The following EIF4E variants were observed in gnomAD, a reference collection of about 807,000 sequenced individuals.
EIF4E encodes eukaryotic translation initiation factor 4E, also known as eIF-4F 25 kDa subunit.
For missense variants in EIF4E, 113 were observed against 265.6 expected, an observed-to-expected ratio of 0.43 and a Z score of 3.99; for synonymous variants, 71 against 88.5, an observed-to-expected ratio of 0.80 and a Z score of 1.11.
At chr4:98,907,265 T>C (rs1399646954) in intron 1 of EIF4E, among the ~76,000 whole-genome samples, 2 of 152,190 alleles carry the variant, frequency 1.3e-5, no homozygotes, top group Admixed American at 1.3e-4. Context: ...TAAATTGAAG[T>C]AAGGAAACCT....
chr4:98,921,640 TACACCAAGAA>T (rs1260009785), intron 1 of EIF4E, among the ~76,000 whole-genome samples: 1 of 152,196 alleles, frequency 6.6e-6, no homozygotes, highest in Non-Finnish European at 1.5e-5. Context: ...AAGCTTAAAA[TACACCAAGAA>T]ACACGTATGT....
At chr4:98,881,905 C>A (rs1055191732) in intron 6 of EIF4E, among the ~76,000 whole-genome samples, 5 of 152,194 alleles carry the variant, frequency 3.3e-5, no homozygotes, top group African/African-American at 1.2e-4. Context: ...CTAATCTCAT[C>A]TACAACATTA....
intron 1 of EIF4E, chr4:98,928,893 A>T: frequency 6.4e-7 from 1 of 1,552,324 alleles, no homozygotes; most frequent in Non-Finnish European, 8.7e-7. Flanking sequence ...TCGGGCCCCC[A>T]CCAGAAAGTG....
chr4:98,915,616 C>T (rs1320123128), intron 1 of EIF4E, among the ~76,000 whole-genome samples: 1 of 151,306 alleles, frequency 6.6e-6, no homozygotes, highest in Non-Finnish European at 1.5e-5. Context: ...TCTTGGCTCA[C>T]TGCAACCTCC....
At chr4:98,893,618 A>G (rs1724246464) in intron 2 of EIF4E, among the ~76,000 whole-genome samples, 1 of 152,200 alleles carries the variant, frequency 6.6e-6, no homozygotes, top group African/African-American at 2.4e-5. Context: ...TGAGACTGCA[A>G]CAATTCAGTA....
At chr4:98,882,510 C>T (rs1723741640) in intron 6 of EIF4E, among the ~76,000 whole-genome samples, 1 of 151,294 alleles carries the variant, frequency 6.6e-6, no homozygotes, top group East Asian at 1.9e-4. Flanking sequence ...GAGTTAAATC[C>T]TCCAACATGA....
chr4:98,902,326 T>C (rs1206766085), intron 1 of EIF4E, among the ~76,000 whole-genome samples: 2 of 152,218 alleles, frequency 1.3e-5, no homozygotes, highest in Admixed American at 1.3e-4. Context: ...TGCCTTGGCC[T>C]CCCAAAGTGC....
chr4:98,904,750 G>A (rs1056214158), intron 1 of EIF4E, among the ~76,000 whole-genome samples: 1 of 152,086 alleles, frequency 6.6e-6, no homozygotes, highest in Non-Finnish European at 1.5e-5. Context: ...CAGCCTGGGC[G>A]ACAAGAGCAA....
chr4:98,910,195 T>C (rs985409779), intron 1 of EIF4E, among the ~76,000 whole-genome samples: 1 of 152,142 alleles, frequency 6.6e-6, no homozygotes, highest in Non-Finnish European at 1.5e-5. Flanking sequence ...TTATCTGTAA[T>C]AAAGGATCAA....
intron 2 of EIF4E, among the ~76,000 whole-genome samples, chr4:98,894,048 G>A: frequency 6.6e-6 from 1 of 152,242 alleles, no homozygotes; most frequent in East Asian, 1.9e-4. Flanking sequence ...TCATCAAGGA[G>A]CAGTGATATT....
chr4:98,886,865 A>T, intron 5 of EIF4E: 1 of 518,202 alleles, frequency 1.9e-6, no homozygotes, highest in Non-Finnish European at 3.5e-6. Context: ...GTCAACTGCC[A>T]ATCACTTAAA....
chr4:98,896,313 A>G (rs1370011881), intron 2 of EIF4E, among the ~76,000 whole-genome samples: 1 of 151,892 alleles, frequency 6.6e-6, no homozygotes, highest in East Asian at 1.9e-4. Flanking sequence ...TCGAGGTTGC[A>G]GTGAGCTATG....
chr4:98,912,437 G>A lies in EIF4E; in HGVS notation c.19-10455C>T, dbSNP rs536728465. ...TAAAAAATACAAAAATTAGCTGGGC[G>A]TGGTGGTGCATGCCTGTAATCCCAG... On this transcript the variant is annotated intron_variant, in intron 1 of 6. Coordinates refer to ENST00000450253, the MANE Select transcript of EIF4E (RefSeq NM_001968.5). Among the ~76,000 whole-genome samples the A allele has an allele frequency of 5.3e-5, 8 of 151,120 alleles. No individual in the cohort carries two copies. The East Asian group carries it at 5.9e-4, about 11-fold the overall frequency.
intron 1 of EIF4E, among the ~76,000 whole-genome samples, chr4:98,925,254 T>C (rs1725819760): frequency 6.6e-6 from 1 of 152,198 alleles, no homozygotes; most frequent in African/African-American, 2.4e-5. Flanking sequence ...AGTAAAATTA[T>C]ACACTTTCAG....
chr4:98,924,889 T>C (rs1725806619), intron 1 of EIF4E, among the ~76,000 whole-genome samples: 1 of 152,124 alleles, frequency 6.6e-6, no homozygotes, highest in Non-Finnish European at 1.5e-5. Flanking sequence ...GCCACCGCAC[T>C]CAGCAAGTAT....
intron 1 of EIF4E, among the ~76,000 whole-genome samples, chr4:98,902,377 T>C (rs1368698656): frequency 6.6e-6 from 1 of 152,250 alleles, no homozygotes; most frequent in Non-Finnish European, 1.5e-5. Flanking sequence ...GCACTAGTAG[T>C]ATTTTTTAAG....
intron 1 of EIF4E, among the ~76,000 whole-genome samples, chr4:98,921,671 G>A (rs1041778245): frequency 2.0e-5 from 3 of 152,116 alleles, no homozygotes; most frequent in African/African-American, 7.2e-5. Flanking sequence ...GTACATTTTA[G>A]CTTAAACTTT....
chr4:98,919,827 G>A (rs1205942339), intron 1 of EIF4E, among the ~76,000 whole-genome samples: 1 of 152,076 alleles, frequency 6.6e-6, no homozygotes, highest in Non-Finnish European at 1.5e-5. Context: ...CCCAAGTGCT[G>A]GGATTACAGG....
At position 98,899,591 on chromosome 4, in the gene EIF4E, T is replaced by C. The variant is rs112934483; in HGVS notation, c.125+2285A>G. 8.3e-4 allele frequency among the ~76,000 whole-genome samples: 127 copies of C among 152,330 alleles called. 2 individuals carry two copies. Among genetic ancestry groups the C allele is most frequent in the African/African-American group, 2.7e-3 (114 of 41,586 alleles). On this transcript the variant is annotated intron_variant, in intron 2 of 6. Transcript: ENST00000450253. ...ATATATTCACACAAGTGCACAATTA[T>C]GTAAGGATGTAAATTACAGCACTGT... is the stretch of plus-strand genomic sequence containing the variant.
Sources: gnomAD v4.1 joint callset for allele counts (sites outside exome capture counted in the v4.1 genomes callset) on GRCh38, gnomAD v4.1.1 for gene constraint, MANE v1.5 for transcripts, NCBI Gene and HGNC (gene_info 2026-07-23, HGNC 2026-07-21) for gene names.